FYN: variants seen among roughly 807,000 people sequenced by gnomAD.
FYN encodes the protein FYN proto-oncogene, Src family tyrosine kinase.
FYN carries 10 observed loss-of-function variants against 70.2 expected under a neutral mutation model. The ratio of observed to expected loss-of-function variants is 0.14; its 90% CI spans 0.09 to 0.24. FYN has a LOEUF of 0.24. Among genes scored for constraint, FYN ranks in the 10% least tolerant of loss-of-function variants. The probability of loss-of-function intolerance (pLI) is 1.00; values close to 1 mark genes in which losing one functional copy is unlikely to be tolerated. For synonymous variants in FYN, 236 were observed against 248.6 expected (o/e 0.95, Z 0.48); for missense variants, 319 against 673.1 (o/e 0.47, Z 5.82).
chr6:111,677,943 T>C lies in FYN; in HGVS notation c.1274-3313A>G, dbSNP rs188108899. 2.5e-3 allele frequency among the ~76,000 whole-genome samples: 382 copies of C among 152,320 alleles called. 5 individuals carry two copies. Among genetic ancestry groups the C allele is most frequent in the African/African-American group, 8.8e-3 (364 of 41,560 alleles). ...GAAACAGAGCAAACTATGCAGGTAA[T>C]GATCATCTATGTCACTGATATCTTG... On this transcript the variant is annotated intron_variant, in intron 12 of 13. Coordinates refer to ENST00000354650, the MANE Select transcript of FYN (RefSeq NM_002037.5).
chr6:111,669,438 CAAAAAAAA>C (rs10690295), intron 13 of FYN, among the ~76,000 whole-genome samples: 1 of 56,868 alleles, frequency 1.8e-5, no homozygotes, highest in Non-Finnish European at 3.2e-5. Context: ...CCATCCATCT[CAAAAAAAA>C]AAAAAAAAAA....
At chr6:111,780,430 T>C (rs1319140085) in intron 3 of FYN, 136 bp downstream of exon 3, 1 of 152,438 alleles carries the variant, frequency 6.6e-6, no homozygotes, top group Non-Finnish European at 1.5e-5. Context: ...CAATTCAATG[T>C]CACATTTAAT....
At chr6:111,733,530 C>G (rs552884633) in intron 3 of FYN, among the ~76,000 whole-genome samples, 1 of 152,352 alleles carries the variant, frequency 6.6e-6, no homozygotes, top group African/African-American at 2.4e-5. Flanking sequence ...GTAAGCAGTG[C>G]ATTAGCCCAG....
intron 5 of FYN, 63 bp from the exon 6 acceptor site, chr6:111,708,083 C>T (rs1376747198): frequency 3.2e-6 from 4 of 1,255,624 alleles, no homozygotes; most frequent in Non-Finnish European, 4.6e-6. Context: ...TAGAGACTCA[C>T]TGTGGTCTGA....
intron 4 of FYN, among the ~76,000 whole-genome samples, chr6:111,715,764 C>T (rs1244557066): frequency 2.0e-5 from 3 of 152,128 alleles, no homozygotes; most frequent in African/African-American, 7.2e-5. Flanking sequence ...TTGATTACAG[C>T]CTGTGAGAGA....
rs1423061152 is a variant in FYN at position 111,660,828 on chromosome 6, T to A, written c.*911A>T. On this transcript the variant is annotated 3_prime_UTR_variant, in exon 14 of 14. Transcript: ENST00000354650. ...AATGTCTGAAACATTTCAGCATTCA[T>A]ATTTTTATACAAGAAGTTTGTGTGG... 2.6e-5 allele frequency: 4 copies of A among 152,230 alleles called. No individual in the cohort carries two copies. The highest frequency in any genetic ancestry group is 9.6e-5 in the African/African-American group (4 of 41,456). 9.4% of individuals were successfully genotyped at this position (152,230 alleles called of 1,614,324 possible).
At chr6:111,760,795 T>A (rs1032517047) in intron 3 of FYN, among the ~76,000 whole-genome samples, 1 of 152,236 alleles carries the variant, frequency 6.6e-6, no homozygotes, top group African/African-American at 2.4e-5. Flanking sequence ...TTATAGTTTT[T>A]AGAAATGCCA....
intron 2 of FYN, among the ~76,000 whole-genome samples, chr6:111,823,288 G>A (rs941201916): frequency 3.3e-5 from 5 of 152,282 alleles, no homozygotes; most frequent in African/African-American, 4.8e-5. Context: ...AGCCCCAGCC[G>A]TGGCTGCTGA....
At position 111,660,778 on chromosome 6, in the gene FYN, G is replaced by A. The variant is rs1797703968; in HGVS notation, c.*961C>T. On this transcript the variant is annotated 3_prime_UTR_variant, in exon 14 of 14. Transcript: ENST00000354650. ...GCTATGGGTTTTAGATCACTTAAAT[G>A]TGGTTACAGGTTTATTAAATTAAAA... 6.6e-6 allele frequency: 1 copy of A among 152,230 alleles called. No individual in the cohort carries two copies. The highest frequency in any genetic ancestry group is 1.5e-5 in the Non-Finnish European group (1 of 68,044). The allele number at this position is 152,230 out of a possible 1,614,324, so 9.4% of individuals were successfully genotyped here.
At chr6:111,807,476 G>A (rs1351540224) in intron 2 of FYN, among the ~76,000 whole-genome samples, 1 of 152,154 alleles carries the variant, frequency 6.6e-6, no homozygotes, top group Non-Finnish European at 1.5e-5. Flanking sequence ...TATTTTTAAA[G>A]GATAGTTCTT....
At position 111,661,744 on chromosome 6, in the gene FYN, G is replaced by C; in HGVS notation, c.1609C>G (p.Leu537Val). 1.2e-6 allele frequency: 2 copies of C among 1,613,926 alleles called. No individual in the cohort carries two copies. Among genetic ancestry groups the C allele is most frequent in the Non-Finnish European group, 1.7e-6 (2 of 1,179,828 alleles). ...TCTCTCCGCAGACCCGGGCCTTACA[G>C]GTTTTCACCAGGTTGGTACTGGGGC... ...TEPQYQPGENL is the reference protein window; with the variant it reads ...TEPQYQPGENV The change falls in exon 14 of 14, where the codon CTG becomes GTG. Residue 537 changes from leucine to valine, a missense_variant. Leu to Val is a conservative substitution (Grantham distance 32). Transcript: ENST00000354650. This position sits in a 1 kb window ranked among gnomAD's most constrained non-coding sequence, Gnocchi z 4.0.
intron 2 of FYN, among the ~76,000 whole-genome samples, chr6:111,822,714 AAT>A (rs754955146): frequency 0.046 from 6,958 of 152,100 alleles, 186 homozygotes; most frequent in East Asian, 0.14. Context: ...AAAAGAAAGA[AAT>A]AAACAGTAGA....
chr6:111,775,980 G>T (rs897639512), intron 3 of FYN, among the ~76,000 whole-genome samples: 7 of 152,156 alleles, frequency 4.6e-5, no homozygotes, highest in African/African-American at 1.7e-4. Context: ...AGGTCTGGTT[G>T]GATTTTGGGT....
At chr6:111,782,128 T>C (rs1308245825) in intron 2 of FYN, among the ~76,000 whole-genome samples, 2 of 152,222 alleles carry the variant, frequency 1.3e-5, no homozygotes, top group Non-Finnish European at 2.9e-5. Context: ...CTTTTCCACC[T>C]TGATTTTCCC....
Position 111,792,390 on chromosome 6 carries a change from G to A in FYN, c.-81-11755C>T, listed in dbSNP as rs75622782. ...CAACTGAAACTCTCATACATTGCTA[G>A]TGGGAGTGTCCACTGATAACTGGCA... is the stretch of plus-strand genomic sequence containing the variant. On this transcript the variant is annotated intron_variant, in intron 2 of 13. Coordinates refer to ENST00000354650, the MANE Select transcript of FYN (RefSeq NM_002037.5). 3.9e-3 allele frequency among the ~76,000 whole-genome samples: 590 copies of A among 152,352 alleles called. 11 individuals are homozygous for A. The East Asian group carries it at 0.052, about 13-fold the overall frequency.
At chr6:111,788,239 C>A (rs1241475114) in intron 2 of FYN, among the ~76,000 whole-genome samples, 1 of 152,220 alleles carries the variant, frequency 6.6e-6, no homozygotes, top group Non-Finnish European at 1.5e-5. Context: ...TCCTTGAGGG[C>A]AAGAATGCAG....
intron 2 of FYN, among the ~76,000 whole-genome samples, chr6:111,800,547 C>T (rs1231599378): frequency 6.6e-6 from 1 of 152,190 alleles, no homozygotes; most frequent in Non-Finnish European, 1.5e-5. Context: ...TGATCTAAAA[C>T]GGGAACGACT....
At chr6:111,683,563 T>C (rs531103527) in intron 12 of FYN, among the ~76,000 whole-genome samples, 24 of 152,328 alleles carry the variant, frequency 1.6e-4, no homozygotes, top group Non-Finnish European at 2.9e-5. Flanking sequence ...AATAGCATTT[T>C]CAAGGAGGAA....
At chr6:111,802,413 T>C (rs1583457324) in intron 2 of FYN, among the ~76,000 whole-genome samples, 1 of 148,882 alleles carries the variant, frequency 6.7e-6, no homozygotes, top group South Asian at 2.1e-4. Flanking sequence ...CTTTTCTTTA[T>C]AAATAACCCA....
Sources: allele counts gnomAD v4.1 joint callset (sites outside exome capture counted in the v4.1 genomes callset), GRCh38; gene constraint gnomAD v4.1.1; non-coding constraint Gnocchi (gnomAD v3.1); transcripts MANE v1.5; gene names NCBI Gene and HGNC (gene_info 2026-07-23, HGNC 2026-07-21).